VPS13C: variants seen among roughly 807,000 people sequenced by gnomAD.
The protein encoded by VPS13C is vacuolar protein sorting 13 homolog C.
Under a neutral mutation model 456.8 loss-of-function variants are expected in VPS13C, and 358 were observed. The ratio of observed to expected loss-of-function variants is 0.78; its 90% CI spans 0.72 to 0.86. The LOEUF (loss-of-function observed/expected upper bound fraction) is 0.86, where lower values mean the gene tolerates loss of function less well. Among genes scored for constraint, VPS13C ranks in the 40% least tolerant of loss-of-function variants. The pLI, the probability that VPS13C is intolerant of heterozygous loss-of-function variation, is 0.00. For missense variants in VPS13C, 4,818 were observed against 4,385.4 expected (o/e 1.10, Z -2.79); for synonymous variants, 1,578 against 1,486.7 (o/e 1.06, Z -1.41).
intron 58 of VPS13C, 123 bp downstream of exon 58, chr15:61,919,166 A>T: frequency 1.1e-6 from 1 of 924,508 alleles, no homozygotes; most frequent in Non-Finnish European, 1.5e-6. Context: ...CTGAATAATT[A>T]CTATTTATTT....
intron 6 of VPS13C, 32 bp from the exon 7 acceptor site, chr15:62,023,877 G>A (rs1283044186): frequency 6.3e-7 from 1 of 1,589,798 alleles, no homozygotes; most frequent in African/African-American, 1.3e-5. Flanking sequence ...GTGAGAAAAG[G>A]ATAAGATTCA....
chr15:61,940,013 G>GTATTTA (rs146389627), intron 47 of VPS13C, among the ~76,000 whole-genome samples: 8,859 of 150,408 alleles, frequency 0.059, 320 homozygotes, highest in Non-Finnish European at 0.078. Flanking sequence ...AAAAAAAGTT[G>GTATTTA]TATACTTATC....
At chr15:62,019,529 C>G (rs1410029970) in intron 9 of VPS13C, among the ~76,000 whole-genome samples, 1 of 151,978 alleles carries the variant, frequency 6.6e-6, no homozygotes, top group Non-Finnish European at 1.5e-5. Flanking sequence ...TTTATTTCTG[C>G]CTTCATTTCG....
In VPS13C at chr15:61,881,613, A is replaced by G. The variant is rs770624612; in HGVS notation, c.9726T>C (p.Asp3242=). The part of the protein sequence containing the change: ...ALDSEPKPFI[D]VSVITRFNEY... ...CATTAAATCTTGTGATGACACTCACATCAATGAAAGGCTTGGGCTCTAAGA... is the reference window on the plus strand; with the variant it reads ...CATTAAATCTTGTGATGACACTCACGTCAATGAAAGGCTTGGGCTCTAAGA... Residue 3242 remains aspartate, a synonymous_variant, in exon 71 of 85, where the codon GAT becomes GAC. Transcript: ENST00000644861. The G allele has an allele frequency of 1.9e-6, 3 of 1,612,802 alleles. No homozygotes were observed. Among genetic ancestry groups the G allele is most frequent in the East Asian group, 2.2e-5 (1 of 44,768 alleles).
rs35201581 is a variant in VPS13C at position 61,909,134 on chromosome 15, G to GA, written c.8845-10dup. 16,381 of 1,359,144 alleles carry GA rather than the reference G, an allele frequency of 0.012. No individual in the cohort carries two copies. Among genetic ancestry groups the GA allele is most frequent in the South Asian group, 0.023 (1,620 of 70,200 alleles). 84.2% of individuals were successfully genotyped at this position (1,359,144 alleles called of 1,614,324 possible). A position where few individuals can be genotyped will look rare whatever the true frequency, so the allele number is the denominator to read the frequency against. On this transcript the variant is annotated splice_polypyrimidine_tract_variant and intron_variant, in intron 64 of 84. Coordinates refer to ENST00000644861, the MANE Select transcript of VPS13C (RefSeq NM_020821.3). Reference sequence around the variant, plus strand: ...ACCAAGATACCCCCATTCTATTGTAGAAAAAAAAAAAGTATGTTTGATGTA... The same window carrying GA: ...ACCAAGATACCCCCATTCTATTGTAGAAAAAAAAAAAAGTATGTTTGATGTA...
At chr15:61,926,275 TA>T (rs1435050924) in intron 52 of VPS13C, among the ~76,000 whole-genome samples, 10 of 152,150 alleles carry the variant, frequency 6.6e-5, no homozygotes, top group Admixed American at 6.5e-5. Context: ...ACTAGCCAGC[TA>T]GTAGTCCTAG....
chr15:61,946,010 T>A, intron 44 of VPS13C, 128 bp from the exon 45 acceptor site: 1 of 902,832 alleles, frequency 1.1e-6, no homozygotes, highest in African/African-American at 1.7e-5. Flanking sequence ...ACATTAAAAA[T>A]TATTAGCTAA....
intron 31 of VPS13C, 31 bp from the exon 32 acceptor site, chr15:61,963,982 G>GT (rs2045298833): frequency 2.2e-6 from 3 of 1,390,616 alleles, no homozygotes; most frequent in Non-Finnish European, 3.0e-6. Flanking sequence ...CTGTCACATG[G>GT]TGAGATTCTA....
At chr15:61,940,221 G>A (rs2044372352) in intron 47 of VPS13C, among the ~76,000 whole-genome samples, 1 of 152,124 alleles carries the variant, frequency 6.6e-6, no homozygotes, top group South Asian at 2.1e-4. Context: ...TGAATGTAGT[G>A]TCTGAATATC....
intron 6 of VPS13C, among the ~76,000 whole-genome samples, chr15:62,027,776 T>C (rs1218624101): frequency 6.6e-6 from 1 of 152,066 alleles, no homozygotes; most frequent in Non-Finnish European, 1.5e-5. Context: ...TATAAAAGAA[T>C]CATATCATAA....
intron 30 of VPS13C, among the ~76,000 whole-genome samples, chr15:61,965,656 A>G (rs2045354314): frequency 6.6e-6 from 1 of 151,920 alleles, no homozygotes; most frequent in Non-Finnish European, 1.5e-5. Context: ...TTAGTTACCC[A>G]TAAGTACATT....
At chr15:62,042,573 G>A (rs2048275531) in intron 2 of VPS13C, among the ~76,000 whole-genome samples, 1 of 151,650 alleles carries the variant, frequency 6.6e-6, no homozygotes, top group East Asian at 1.9e-4. Context: ...CTGTCCTCCT[G>A]GAGGACAGGA....
chr15:62,056,899 T>C lies in VPS13C; in HGVS notation c.100+3376A>G, dbSNP rs1315093120. Among the ~76,000 whole-genome samples the C allele has an allele frequency of 9.8e-5, 15 of 152,334 alleles. No homozygotes were observed. In the South Asian group the frequency reaches 3.1e-3, roughly 32 times the overall value. On this transcript the variant is annotated intron_variant, in intron 1 of 84. Transcript: ENST00000644861. Reference sequence around the variant, plus strand: ...AAGGGCCCCCTGTCCTGTGGACACGTGACCCACGTGACCTTACCTATCATT... The same window carrying C: ...AAGGGCCCCCTGTCCTGTGGACACGCGACCCACGTGACCTTACCTATCATT...
chr15:62,004,496 A>AG (rs1239397898), intron 15 of VPS13C, among the ~76,000 whole-genome samples: 25 of 148,070 alleles, frequency 1.7e-4, no homozygotes, highest in African/African-American at 6.2e-4. Flanking sequence ...AATTTTTTGA[A>AG]GGATTTTTTG....
At chr15:62,027,029 C>A (rs1004263169) in intron 6 of VPS13C, among the ~76,000 whole-genome samples, 5 of 151,890 alleles carry the variant, frequency 3.3e-5, no homozygotes, top group Non-Finnish European at 7.4e-5. Context: ...TTATGAAAAT[C>A]ATTTTGACTT....
At chr15:62,043,632 G>T (rs1000858210) in intron 2 of VPS13C, among the ~76,000 whole-genome samples, 1 of 151,826 alleles carries the variant, frequency 6.6e-6, no homozygotes, top group African/African-American at 2.4e-5. Flanking sequence ...AAAAATAAAA[G>T]GTTGGAAGCC....
rs1895958805 is a variant in VPS13C, at chr15:61,882,750, A to C, written c.9484-14T>G. 8 of 1,580,576 alleles carry C rather than the reference A, an allele frequency of 5.1e-6. No homozygotes were observed. Among genetic ancestry groups the C allele is most frequent in the Non-Finnish European group, 6.9e-6 (8 of 1,166,416 alleles). On this transcript the variant is annotated splice_polypyrimidine_tract_variant and intron_variant, in intron 68 of 84. Transcript: ENST00000644861. The stretch of plus-strand genomic sequence containing the variant: ...ATCAAAATTGACCTAGAAAAAAAGC[A>C]CATGTTTTTGTGATGAGCTGATATT...
At chr15:61,919,877 A>G (rs536249091) in intron 57 of VPS13C, among the ~76,000 whole-genome samples, 190 bp downstream of exon 57, 9 of 149,942 alleles carry the variant, frequency 6.0e-5, no homozygotes, top group African/African-American at 2.2e-4. Flanking sequence ...CTAGTTTTGT[A>G]AAGTTTTCTT....
chr15:62,000,561 T>C lies in VPS13C; in HGVS notation c.1353+3A>G, dbSNP rs921020605. Reference sequence around the variant, plus strand: ...CATAAAATCAGCTAATAAAAATGATTACCTCAACTTGTGCTTGTTGCCTTG... The same window carrying C: ...CATAAAATCAGCTAATAAAAATGATCACCTCAACTTGTGCTTGTTGCCTTG... On this transcript the variant is annotated splice_donor_region_variant and intron_variant, in intron 16 of 84. Coordinates refer to ENST00000644861, the MANE Select transcript of VPS13C (RefSeq NM_020821.3). 3 of 1,604,772 alleles carry C rather than the reference T, an allele frequency of 1.9e-6. No homozygotes were observed. The highest frequency in any genetic ancestry group is 2.5e-6 in the Non-Finnish European group (3 of 1,176,522).
Sources: gnomAD v4.1 joint callset for allele counts (sites outside exome capture counted in the v4.1 genomes callset) on GRCh38, gnomAD v4.1.1 for gene constraint, MANE v1.5 for transcripts, NCBI Gene and HGNC (gene_info 2026-07-23, HGNC 2026-07-21) for gene names.